Variants in FAM228B observed in about 807,000 individuals in gnomAD.
FAM228B encodes the protein family with sequence similarity 228 member B.
A neutral mutation model predicts 42.6 loss-of-function variants in FAM228B; 38 were observed. The ratio of observed to expected loss-of-function variants is 0.89; its 90% CI spans 0.69 to 1.17. The LOEUF (loss-of-function observed/expected upper bound fraction) is 1.17. Among genes scored for constraint, FAM228B ranks in the 50% most tolerant of loss-of-function variants. The pLI is 0.00. For missense variants in FAM228B, 344 were observed against 367.3 expected, an observed-to-expected ratio of 0.94 and a Z score of 0.52; for synonymous variants, 109 against 122.3, an observed-to-expected ratio of 0.89 and a Z score of 0.72.
chr2:24,146,078 G>A (rs1396163633), intron 5 of FAM228B, among the ~76,000 whole-genome samples: 1 of 151,972 alleles, frequency 6.6e-6, no homozygotes, highest in Non-Finnish European at 1.5e-5. Context: ...AATTATACTG[G>A]GCAGTCTGAT....
At position 24,077,584 on chromosome 2, in the gene FAM228B, G is replaced by A. The variant is rs1463579551; in HGVS notation, c.-290+615G>A. 1 of 1,612,956 alleles carries A rather than the reference G, an allele frequency of 6.2e-7. No individual in the cohort carries two copies. Among genetic ancestry groups the A allele is most frequent in the East Asian group, 2.2e-5 (1 of 44,842 alleles). On this transcript the variant is annotated intron_variant, in intron 1 of 10. Coordinates refer to the FAM228B transcript ENST00000613899. This position sits in a 1 kb window ranked among gnomAD's most constrained non-coding sequence, Gnocchi z 5.5. ...CTGTCCTGCCCCATCCTCCTTCACTGGGGCAGTTCCAGGACGATCTTGCCT... is the reference window on the plus strand; with the variant it reads ...CTGTCCTGCCCCATCCTCCTTCACTAGGGCAGTTCCAGGACGATCTTGCCT...
intron 9 of FAM228B, among the ~76,000 whole-genome samples, chr2:24,166,732 T>C (rs1342241586): frequency 1.3e-5 from 2 of 151,936 alleles, no homozygotes; most frequent in African/African-American, 4.8e-5. Context: ...GGGGGACGAA[T>C]GAAGAGGACT....
chr2:24,142,887 A>G (rs541028735), intron 5 of FAM228B: 7 of 152,362 alleles, frequency 4.6e-5, no homozygotes, highest in African/African-American at 1.7e-4. Context: ...ATATTCAGTA[A>G]TGAAATGTAC....
chr2:24,104,757 C>A (rs939120238), intron 3 of FAM228B, among the ~76,000 whole-genome samples: 8 of 152,208 alleles, frequency 5.3e-5, no homozygotes, highest in African/African-American at 1.9e-4. Flanking sequence ...GTGGGTGCAG[C>A]CTCCTGTTGT....
intron 2 of FAM228B, among the ~76,000 whole-genome samples, chr2:24,125,089 A>G (rs1201243424): frequency 6.6e-6 from 1 of 152,216 alleles, no homozygotes; most frequent in Non-Finnish European, 1.5e-5. Flanking sequence ...ATATATTTAA[A>G]GTGTGTGTCT....
At chr2:24,162,507 A>C (rs992238052) in intron 8 of FAM228B, among the ~76,000 whole-genome samples, 1 of 152,228 alleles carries the variant, frequency 6.6e-6, no homozygotes, top group Non-Finnish European at 1.5e-5. Context: ...TTTGGAAGGC[A>C]GCTTGGCAGT....
intron 3 of FAM228B, among the ~76,000 whole-genome samples, chr2:24,098,256 T>C (rs1379209820): frequency 6.6e-6 from 1 of 151,954 alleles, no homozygotes; most frequent in Non-Finnish European, 1.5e-5. Context: ...ATTCAAAAGC[T>C]AGCAGAAGGC....
chr2:24,110,061 A>G (rs1665763963), intron 3 of FAM228B, among the ~76,000 whole-genome samples: 1 of 152,246 alleles, frequency 6.6e-6, no homozygotes, highest in Non-Finnish European at 1.5e-5. Context: ...GACAGGATAA[A>G]GAAAATGTGG....
chr2:24,124,309 AC>A lies in FAM228B; in HGVS notation c.-32-20del. The A allele has an allele frequency of 8.3e-7, 1 of 1,209,500 alleles. No individual in the cohort carries two copies. Among genetic ancestry groups the A allele is most frequent in the Non-Finnish European group, 1.2e-6 (1 of 847,106 alleles). The allele number at this position is 1,209,500 out of a possible 1,614,324, so 74.9% of individuals were successfully genotyped here. ...ATCAGATGACTGTGAAATGTTCAAT[AC>A]TAAATAAGATGATTTTTAGTTTTTC... On this transcript the variant is annotated intron_variant, in intron 1 of 10. Transcript: ENST00000615575.
At chr2:24,161,470 C>A (rs1438398024) in intron 7 of FAM228B, 36 bp from the exon 8 acceptor site, 2 of 1,268,014 alleles carry the variant, frequency 1.6e-6, no homozygotes, top group African/African-American at 1.5e-5. Context: ...TAAAAAAGAA[C>A]AAAAAAACCT....
rs551657564 is a variant in FAM228B at position 24,093,178 on chromosome 2, G to A, written c.-209-1963G>A. ...CTTTAAGTTCTGGGATACATGTGTT[G>A]AAGGTGCAGGTTTGTTACGTAGGCA... is the stretch of plus-strand genomic sequence containing the variant. On this transcript the variant is annotated intron_variant, in intron 2 of 10. Transcript: ENST00000613899. Among the ~76,000 whole-genome samples the A allele has an allele frequency of 2.0e-5, 3 of 152,112 alleles. No homozygotes were observed. In the East Asian group the frequency reaches 5.8e-4, roughly 29 times the overall value.
chr2:24,122,653 T>C (rs906514891), upstream of FAM228B: 1 of 716,110 alleles, frequency 1.4e-6, no homozygotes, highest in Non-Finnish European at 2.4e-6. Flanking sequence ...GATCAGCAAG[T>C]GTACTTTGAA....
At chr2:24,092,242 A>ATCAT in intron 2 of FAM228B, among the ~76,000 whole-genome samples, 1 of 150,226 alleles carries the variant, frequency 6.7e-6, no homozygotes, top group South Asian at 2.1e-4. Context: ...AAAAAAAAAA[A>ATCAT]AGGAATAGTA....
intron 2 of FAM228B, among the ~76,000 whole-genome samples, chr2:24,129,896 A>C (rs1050443184): frequency 1.2e-4 from 19 of 152,228 alleles, no homozygotes; most frequent in Middle Eastern, 3.4e-3. Context: ...GTGGTTTGCT[A>C]TCAACCTGTC....
At chr2:24,108,645 T>C (rs1665738306) in intron 3 of FAM228B, among the ~76,000 whole-genome samples, 1 of 152,174 alleles carries the variant, frequency 6.6e-6, no homozygotes, top group Admixed American at 6.5e-5. Context: ...CTCATGCCTG[T>C]AATCCCAGCA....
intron 2 of FAM228B, among the ~76,000 whole-genome samples, chr2:24,086,184 G>A (rs1055799359): frequency 1.4e-5 from 2 of 141,328 alleles, no homozygotes; most frequent in Non-Finnish European, 3.1e-5. Flanking sequence ...GCAGTGAGCC[G>A]AGATCGCACC....
intron 7 of FAM228B, among the ~76,000 whole-genome samples, chr2:24,158,109 A>G (rs1667195840): frequency 1.4e-5 from 2 of 146,026 alleles, no homozygotes; most frequent in African/African-American, 5.1e-5. Flanking sequence ...CCTCCCTTCT[A>G]CTCTGTACTC....
At chr2:24,124,939 C>T (rs1159897778) in intron 2 of FAM228B, among the ~76,000 whole-genome samples, 3 of 152,196 alleles carry the variant, frequency 2.0e-5, no homozygotes, top group Non-Finnish European at 4.4e-5. Context: ...TGAGCTCAAG[C>T]AATCCACCTA....
chr2:24,096,483 C>T (rs1665500587), intron 3 of FAM228B: 1 of 152,176 alleles, frequency 6.6e-6, no homozygotes, highest in Non-Finnish European at 1.5e-5. Context: ...CTTCGTGACA[C>T]ATGCACAACC....
Sources: gnomAD v4.1 joint callset for allele counts (sites outside exome capture counted in the v4.1 genomes callset) on GRCh38, gnomAD v4.1.1 for gene constraint, Gnocchi (gnomAD v3.1) non-coding constraint, MANE v1.5 for transcripts, NCBI Gene and HGNC (gene_info 2026-07-23, HGNC 2026-07-21) for gene names.